Variants in ITIH2 observed in about 807,000 individuals in gnomAD.
The protein encoded by ITIH2 is inter-alpha-trypsin inhibitor heavy chain 2.
Under a neutral mutation model 104.4 loss-of-function variants are expected in ITIH2, and 103 were observed. That is an observed-to-expected ratio of 0.99 (90% confidence interval 0.84 to 1.16). The LOEUF is 1.16. ITIH2 is among the 50% of genes most tolerant of loss of function. ITIH2 has a pLI of 0.00. For synonymous variants in ITIH2, 436 were observed against 435.4 expected (o/e 1.00, Z -0.02); for missense variants, 1,108 against 1,162.4 (o/e 0.95, Z 0.68).
intron 15 of ITIH2, among the ~76,000 whole-genome samples, chr10:7,737,303 G>A (rs1390599867): frequency 6.6e-6 from 1 of 150,678 alleles, no homozygotes; most frequent in Non-Finnish European, 1.5e-5. Context: ...CCCAGGGCTA[G>A]GAGACCTCAG....
At chr10:7,728,422 C>A (rs1461063816) in intron 11 of ITIH2, among the ~76,000 whole-genome samples, 2 of 152,144 alleles carry the variant, frequency 1.3e-5, no homozygotes, top group African/African-American at 4.8e-5. Flanking sequence ...TGCTCTGTCA[C>A]CCAGGAGGGA....
chr10:7,746,718 G>A lies in ITIH2; in HGVS notation c.2693+14G>A, dbSNP rs111246551. Reference sequence around the variant, plus strand: ...GATCATCACCAGGTAGGCCTCGGGCGTAAGGACAGTGACGAAAAGGCCTTG... The same window carrying A: ...GATCATCACCAGGTAGGCCTCGGGCATAAGGACAGTGACGAAAAGGCCTTG... On this transcript the variant is annotated intron_variant, in intron 20 of 20. Transcript: ENST00000358415. 3.4e-4 allele frequency: 519 copies of A among 1,537,998 alleles called. 5 individuals are homozygous for A. The African/African-American group carries it at 5.5e-3, about 16-fold the overall frequency.
chr10:7,708,178 G>C (rs1051965199), intron 3 of ITIH2, among the ~76,000 whole-genome samples: 3 of 152,220 alleles, frequency 2.0e-5, no homozygotes, highest in Admixed American at 6.5e-5. Flanking sequence ...TGGGGAATGA[G>C]ACCTGGTATT....
intron 11 of ITIH2, among the ~76,000 whole-genome samples, chr10:7,728,181 A>T (rs1393111249): frequency 1.3e-5 from 2 of 152,176 alleles, no homozygotes; most frequent in Non-Finnish European, 2.9e-5. Flanking sequence ...GTGAATGATG[A>T]GTATTGATCC....
chr10:7,721,014 G>C lies in ITIH2; in HGVS notation c.738+51G>C, dbSNP rs367996008. The stretch of plus-strand genomic sequence containing the variant: ...GGCATTCACAGGGCCTCTGGATTGT[G>C]GGTTCTGTTCTCCTTCTGTGCTCTG... On this transcript the variant is annotated intron_variant, in intron 7 of 20. Coordinates refer to ENST00000358415, the MANE Select transcript of ITIH2 (RefSeq NM_002216.3). 1.6e-5 allele frequency: 18 copies of C among 1,136,926 alleles called. No individual in the cohort carries two copies. In the African/African-American group the frequency reaches 2.4e-4, roughly 15 times the overall value. 70.4% of individuals were successfully genotyped at this position (1,136,926 alleles called of 1,614,324 possible).
intron 20 of ITIH2, 115 bp from the exon 21 acceptor site, chr10:7,749,072 T>C (rs1835211348): frequency 1.0e-6 from 1 of 997,232 alleles, no homozygotes; most frequent in East Asian, 2.4e-5. Flanking sequence ...CAGCGATAGG[T>C]GGGGGGCGGC....
rs375717121 is a variant in ITIH2 at position 7,737,406 on chromosome 10, C to CATATATATAT, written c.1958-1203_1958-1194dup. On this transcript the variant is annotated intron_variant, in intron 15 of 20. Coordinates refer to ENST00000358415, the MANE Select transcript of ITIH2 (RefSeq NM_002216.3). Reference sequence around the variant, plus strand: ...TATATACACACACGTGTATATATCTCATATATATATATATATATATACACG... The same window carrying CATATATATAT: ...TATATACACACACGTGTATATATCTCATATATATATATATATATATATATATATATACACG... Among the ~76,000 whole-genome samples, 1,075 of 121,634 alleles carry CATATATATAT rather than the reference C, an allele frequency of 8.8e-3. 16 individuals are homozygous for CATATATATAT. The highest frequency in any genetic ancestry group is 0.033 in the African/African-American group (1,023 of 31,144). The allele number at this position is 121,634 out of a possible 152,430, so 79.8% of individuals were successfully genotyped here.
chr10:7,713,810 C>A (rs1052209862), intron 5 of ITIH2, among the ~76,000 whole-genome samples: 1 of 151,926 alleles, frequency 6.6e-6, no homozygotes, highest in South Asian at 2.1e-4. Context: ...TGGCCCCAAG[C>A]GGGAATGCCT....
At position 7,734,994 on chromosome 10, in the gene ITIH2, C is replaced by T. The variant is rs1564304715; in HGVS notation, c.1860C>T (p.His620=). The part of the protein sequence containing the change: ...RSILQMSLDH[H]IVTPLTSLVI... ...TCCTGCAGATGTCTCTAGACCACCA[C>T]ATTGTGACTCCGCTGACCTCGCTGG... The change falls in exon 15 of 21, where the codon CAC becomes CAT. Residue 620 remains histidine (H), a synonymous_variant. Coordinates refer to ENST00000358415, the MANE Select transcript of ITIH2 (RefSeq NM_002216.3). The T allele has an allele frequency of 1.9e-6, 3 of 1,613,908 alleles. No individual in the cohort carries two copies. The South Asian group carries it at 3.3e-5, about 18-fold the overall frequency.
chr10:7,715,682 A>G (rs1015167749), intron 5 of ITIH2, among the ~76,000 whole-genome samples: 4 of 152,168 alleles, frequency 2.6e-5, no homozygotes, highest in Admixed American at 6.5e-5. Context: ...CTGACTATCC[A>G]CAACAACTCC....
chr10:7,733,439 G>C (rs1835023346), intron 14 of ITIH2, among the ~76,000 whole-genome samples: 1 of 152,168 alleles, frequency 6.6e-6, no homozygotes, highest in Non-Finnish European at 1.5e-5. Context: ...AAGAGAAATT[G>C]ATGATTATTA....
intron 16 of ITIH2, among the ~76,000 whole-genome samples, chr10:7,741,322 G>T (rs1270058313): frequency 6.6e-6 from 1 of 151,838 alleles, no homozygotes; most frequent in Non-Finnish European, 1.5e-5. Context: ...GGGATTACTG[G>T]TGCCCGCCAC....
At chr10:7,742,322 AAGG>A (rs1212121735) in intron 16 of ITIH2, among the ~76,000 whole-genome samples, 1 of 152,186 alleles carries the variant, frequency 6.6e-6, no homozygotes, top group Non-Finnish European at 1.5e-5. Flanking sequence ...TTCAATAACA[AAGG>A]AGTACTTTCT....
chr10:7,746,467 C>A, intron 19 of ITIH2, 126 bp from the exon 20 acceptor site: 1 of 645,946 alleles, frequency 1.5e-6, no homozygotes, highest in Non-Finnish European at 2.8e-6. Flanking sequence ...CCTTTTTCCT[C>A]TCAGCTTGTC....
chr10:7,729,038 G>T (rs1052757030), intron 11 of ITIH2, among the ~76,000 whole-genome samples: 3 of 152,204 alleles, frequency 2.0e-5, no homozygotes, highest in African/African-American at 7.2e-5. Flanking sequence ...AACTTGCCAG[G>T]CATGGTGGCT....
intron 15 of ITIH2, among the ~76,000 whole-genome samples, chr10:7,737,472 T>C (rs907812305): frequency 7.1e-6 from 1 of 140,152 alleles, no homozygotes; most frequent in African/African-American, 2.6e-5. Context: ...ATTATAATTA[T>C]ATTATCTGTA....
chr10:7,730,477 C>T (rs974836133), intron 12 of ITIH2, among the ~76,000 whole-genome samples: 17 of 152,148 alleles, frequency 1.1e-4, no homozygotes, highest in African/African-American at 3.1e-4. Flanking sequence ...TTCTCTTTAA[C>T]GTGCATTGGC....
At chr10:7,717,876 TGTG>T in intron 6 of ITIH2, 88 bp downstream of exon 6, 1 of 1,340,994 alleles carries the variant, frequency 7.5e-7, no homozygotes, top group Non-Finnish European at 1.0e-6. Flanking sequence ...CACTAGCACT[TGTG>T]GTGTTGGATG....
rs1193375274 is a variant in ITIH2 at position 7,749,350 on chromosome 10, G to A, written c.*16G>A. 8.1e-6 allele frequency: 13 copies of A among 1,600,116 alleles called. No individual in the cohort carries two copies. Among genetic ancestry groups the A allele is most frequent in the Non-Finnish European group, 1.0e-5 (12 of 1,168,402 alleles). On this transcript the variant is annotated 3_prime_UTR_variant, in exon 21 of 21. Coordinates refer to ENST00000358415, the MANE Select transcript of ITIH2 (RefSeq NM_002216.3). ...ACGGCCTTAAAGGTTTATAGTTTGGGAAATTATATATATTAATATACATCT... is the reference window on the plus strand; with the variant it reads ...ACGGCCTTAAAGGTTTATAGTTTGGAAAATTATATATATTAATATACATCT...
Sources: allele counts gnomAD v4.1 joint callset (sites outside exome capture counted in the v4.1 genomes callset), GRCh38; gene constraint gnomAD v4.1.1; transcripts MANE v1.5; gene names NCBI Gene and HGNC (gene_info 2026-07-23, HGNC 2026-07-21).